RBFOX3: variants seen among roughly 807,000 people sequenced by gnomAD.
RBFOX3 encodes the protein RNA binding fox-1 homolog 3.
In RBFOX3, 17 loss-of-function variants were observed where a neutral mutation model predicts 48.7. That is an observed-to-expected ratio of 0.35 (90% CI 0.24 to 0.52). The LOEUF (loss-of-function observed/expected upper bound fraction) is 0.52. Among genes scored for constraint, RBFOX3 ranks in the 20% least tolerant of loss-of-function variants. The pLI is 0.94. For missense variants in RBFOX3, 382 were observed against 497.5 expected (o/e 0.77, Z 2.21); for synonymous variants, 212 against 209.5 (o/e 1.01, Z -0.10).
intron 1 of RBFOX3, among the ~76,000 whole-genome samples, chr17:79,570,692 C>A (rs1019164327): frequency 2.0e-5 from 3 of 152,140 alleles, no homozygotes; most frequent in African/African-American, 7.2e-5. Flanking sequence ...CACTTACAGA[C>A]CCCACCCCTG....
rs2066433084 is a variant in RBFOX3 at position 79,421,791 on chromosome 17, G to A, written c.-175+60663C>T. ...GGTGGGGAGGTCTCCTTGAGGCCTT[G>A]GGACAAGGGCAGAGAGAGAGAAGGG... is the stretch of plus-strand genomic sequence containing the variant. On this transcript the variant is annotated intron_variant, in intron 2 of 14. Coordinates refer to ENST00000693108, the MANE Select transcript of RBFOX3 (RefSeq NM_001350451.2). The surrounding 1 kb of genome is among the most constrained non-coding windows in gnomAD (Gnocchi z 4.5). Among the ~76,000 whole-genome samples the A allele has an allele frequency of 6.6e-6, 1 of 152,162 alleles. No individual in the cohort carries two copies. The highest frequency in any genetic ancestry group is 1.9e-4 in the East Asian group (1 of 5,180).
At chr17:79,563,570 A>C (rs1357193009) in intron 1 of RBFOX3, among the ~76,000 whole-genome samples, 1 of 152,260 alleles carries the variant, frequency 6.6e-6, no homozygotes, top group East Asian at 1.9e-4. Flanking sequence ...GTCTTTGCTA[A>C]CAATCTGGGA....
the RBFOX3 span, among the ~76,000 whole-genome samples, chr17:79,655,702 G>C: frequency 1.3e-5 from 2 of 152,168 alleles, no homozygotes; most frequent in African/African-American, 4.8e-5. Flanking sequence ...GTAGAAAGCA[G>C]GTATGGCCCA....
rs1248524292 is a variant in RBFOX3, at chr17:79,477,936, C to T, written c.-175+4518G>A. 4.6e-5 allele frequency among the ~76,000 whole-genome samples: 7 copies of T among 152,104 alleles called. No homozygotes were observed. Among genetic ancestry groups the T allele is most frequent in the South Asian group, 2.1e-4 (1 of 4,820 alleles). ...CCAGCAACGTCCTTCAGCTGGGCAC[C>T]GCCTGTTCCACCCAGGAGCACCTAG... On this transcript the variant is annotated intron_variant, in intron 2 of 14. Transcript: ENST00000693108. The surrounding 1 kb of genome is among the most constrained non-coding windows in gnomAD (Gnocchi z 4.8).
At chr17:79,469,437 C>T (rs913483769) in intron 2 of RBFOX3, among the ~76,000 whole-genome samples, 29 of 152,196 alleles carry the variant, frequency 1.9e-4, no homozygotes, top group African/African-American at 6.8e-4. Flanking sequence ...CCCCACTCCA[C>T]GTCAGGGCGC....
chr17:79,143,702 G>C (rs932637882), intron 4 of RBFOX3, among the ~76,000 whole-genome samples: 12 of 152,298 alleles, frequency 7.9e-5, no homozygotes, highest in Admixed American at 6.5e-4. Flanking sequence ...TCGTCCTCCA[G>C]CACAGGCCCC....
rs2076814241 is a variant in RBFOX3 at position 79,103,432 on chromosome 17, G to A, written c.415-178C>T. Among the ~76,000 whole-genome samples the A allele has an allele frequency of 6.6e-6, 1 of 152,108 alleles. No individual in the cohort carries two copies. Among genetic ancestry groups the A allele is most frequent in the African/African-American group, 2.4e-5 (1 of 41,424 alleles). Reference sequence around the variant, plus strand: ...AGGCAGCCCAGAGGTCTGTCCTAGGGCCACCGGCAGGATGCCAGGAGGGGT... The same window carrying A: ...AGGCAGCCCAGAGGTCTGTCCTAGGACCACCGGCAGGATGCCAGGAGGGGT... On this transcript the variant is annotated intron_variant, in intron 7 of 14. Coordinates refer to ENST00000693108, the MANE Select transcript of RBFOX3 (RefSeq NM_001350451.2). This position sits in a 1 kb window ranked among gnomAD's most constrained non-coding sequence, Gnocchi z 6.1.
chr17:79,516,066 A>C (rs1362048499), intron 1 of RBFOX3: 1 of 151,372 alleles, frequency 6.6e-6, no homozygotes, highest in East Asian at 1.9e-4. Context: ...GGAGAGAGTC[A>C]GAGAGAGAGA....
chr17:79,383,334 G>A (rs2060171235), intron 2 of RBFOX3, among the ~76,000 whole-genome samples: 1 of 152,246 alleles, frequency 6.6e-6, no homozygotes, highest in Non-Finnish European at 1.5e-5. Flanking sequence ...GCCTCCCCAA[G>A]CGGCCCAAGA....
intron 3 of RBFOX3, among the ~76,000 whole-genome samples, chr17:79,298,702 G>T (rs1449511909): frequency 2.6e-5 from 4 of 152,198 alleles, no homozygotes; most frequent in Admixed American, 2.6e-4. Context: ...CATCTCGCCG[G>T]CAGGGCCCAG....
intron 3 of RBFOX3, among the ~76,000 whole-genome samples, chr17:79,251,062 C>G (rs528458727): frequency 6.8e-4 from 103 of 152,210 alleles, no homozygotes; most frequent in African/African-American, 2.4e-3. Flanking sequence ...CTCTGCCTCC[C>G]AAAGTGCTGG....
rs527591204 is a variant in RBFOX3 at position 79,199,000 on chromosome 17, G to T, written c.-34+36766C>A. On this transcript the variant is annotated intron_variant, in intron 4 of 14. Transcript: ENST00000693108. This position sits in a 1 kb window ranked among gnomAD's most constrained non-coding sequence, Gnocchi z 8.2. ...ACAAATTGTCTCCTGCAAAGATGCT[G>T]AGTTTGTGAGGCTGAACATTGCCTG... Among the ~76,000 whole-genome samples, 6 of 152,202 alleles carry T rather than the reference G, an allele frequency of 3.9e-5. No individual in the cohort carries two copies. Among genetic ancestry groups the T allele is most frequent in the Non-Finnish European group, 7.3e-5 (5 of 68,036 alleles).
chr17:79,523,443 G>C (rs1053857307), intron 1 of RBFOX3, among the ~76,000 whole-genome samples: 97 of 152,326 alleles, frequency 6.4e-4, no homozygotes, highest in African/African-American at 2.3e-3. Context: ...GGAGGGAGGA[G>C]AGGTCCTTCT....
intron 2 of RBFOX3, among the ~76,000 whole-genome samples, chr17:79,435,383 T>G (rs2069212576): frequency 6.6e-6 from 1 of 152,208 alleles, no homozygotes; most frequent in South Asian, 2.1e-4. Flanking sequence ...GTCCCCCACA[T>G]GTGGCTGTCC....
chr17:79,172,361 G>A (rs1448164000), intron 4 of RBFOX3, among the ~76,000 whole-genome samples: 7 of 152,176 alleles, frequency 4.6e-5, no homozygotes, highest in Admixed American at 4.6e-4. Flanking sequence ...GCCACAGGTA[G>A]GTGAAACCTT....
Position 79,136,906 on chromosome 17 carries a change from G to A in RBFOX3, c.-33-21158C>T, listed in dbSNP as rs765291012. On this transcript the variant is annotated intron_variant, in intron 4 of 14. Coordinates refer to ENST00000693108, the MANE Select transcript of RBFOX3 (RefSeq NM_001350451.2). ...CCTCTCACAGTCTTAAGCCAGAGTG[G>A]ACGATTCACACTCGCTCTAAGAAGG... Among the ~76,000 whole-genome samples the A allele has an allele frequency of 2.0e-5, 3 of 152,252 alleles. No homozygotes were observed. In the East Asian group the frequency reaches 5.8e-4, roughly 29 times the overall value.
chr17:79,136,945 G>T (rs751325038), intron 4 of RBFOX3, among the ~76,000 whole-genome samples: 86 of 152,130 alleles, frequency 5.7e-4, no homozygotes, highest in Admixed American at 1.6e-3. Context: ...CTCCATCCCA[G>T]GGGCGTGGGG....
At chr17:79,649,720 A>T in the RBFOX3 span, among the ~76,000 whole-genome samples, 5 of 152,104 alleles carry the variant, frequency 3.3e-5, no homozygotes, top group Non-Finnish European at 5.9e-5. Context: ...AAAAAGAAAT[A>T]CTTGAAACTG....
intron 4 of RBFOX3, among the ~76,000 whole-genome samples, chr17:79,147,636 T>C (rs2043311069): frequency 6.6e-6 from 1 of 152,204 alleles, no homozygotes. Flanking sequence ...AAGCAGGTAG[T>C]TGGCAAGACC....
Sources: allele counts gnomAD v4.1 joint callset (sites outside exome capture counted in the v4.1 genomes callset), GRCh38; gene constraint gnomAD v4.1.1; non-coding constraint Gnocchi (gnomAD v3.1); transcripts MANE v1.5; gene names NCBI Gene and HGNC (gene_info 2026-07-23, HGNC 2026-07-21).